The following FGF3 variants were observed in gnomAD, a reference collection of about 807,000 sequenced individuals.
The protein encoded by FGF3 is fibroblast growth factor 3, also known as FGF-3.
FGF3 carries 7 observed loss-of-function variants against 9.8 expected under a neutral mutation model. The ratio of observed to expected loss-of-function variants is 0.72; its 90% CI spans 0.41 to 1.35. FGF3 has a LOEUF of 1.35. Among genes scored for constraint, FGF3 ranks in the 40% most tolerant of loss-of-function variants. FGF3 has a pLI of 0.01. For synonymous variants in FGF3, 173 were observed against 157.2 expected (o/e 1.10, Z -0.75); for missense variants, 390 against 345.6 (o/e 1.13, Z -1.02).
At chr11:69,818,534 C>T (rs1275325908) in intron 1 of FGF3, among the ~76,000 whole-genome samples, 180 bp downstream of exon 1, 1 of 151,524 alleles carries the variant, frequency 6.6e-6, no homozygotes, top group African/African-American at 2.4e-5. Flanking sequence ...CTGGCATTCC[C>T]CTTCTGGCAG....
At chr11:69,815,530 C>A (rs1856116617) in intron 2 of FGF3, among the ~76,000 whole-genome samples, 1 of 152,170 alleles carries the variant, frequency 6.6e-6, no homozygotes, top group Admixed American at 6.5e-5. Context: ...CAGGACTGAG[C>A]AGAGAGCTCA....
In FGF3 at chr11:69,810,390, C is replaced by A. The variant is rs377265856; in HGVS notation, c.635G>T (p.Arg212Leu). 5.7e-5 allele frequency: 88 copies of A among 1,557,140 alleles called. No homozygotes were observed. The Middle Eastern group carries it at 2.5e-3, about 45-fold the overall frequency. ...CAGGTTATCCGGGCTCTGCTTCTGC[C>A]GCCGCCGTCGGGGCTGGACCCCCTT... Reference protein sequence around the residue: ...PGKGVQPRRRRQKQSPDNLEP... With the variant: ...PGKGVQPRRRLQKQSPDNLEP... The change falls in exon 3 of 3, where the codon CGG becomes CTG. Residue 212 changes from arginine (R) to leucine (L), a missense_variant. Transcript: ENST00000334134.
Position 69,816,366 on chromosome 11 carries a change from G to C in FGF3, c.278C>G (p.Ser93Cys). Residue 93 changes from serine (S) to cysteine (C), a missense_variant, in exon 2 of 3, where the codon TCC becomes TGC. Physicochemically the swap from Ser to Cys is moderately radical, Grantham distance 112. Transcript: ENST00000334134. Reference protein sequence around the residue: ...VGIVAIRGLFSGRYLAMNKRG... With the variant: ...VGIVAIRGLFCGRYLAMNKRG... Reference sequence around the variant, plus strand: ...CTTGTTCATGGCCAGGTACCGCCCGGAGAAGAGACCCCTGATGGCCACAAT... The same window carrying C: ...CTTGTTCATGGCCAGGTACCGCCCGCAGAAGAGACCCCTGATGGCCACAAT... 6.2e-7 allele frequency: 1 copy of C among 1,614,112 alleles called. No individual in the cohort carries two copies. The highest frequency in any genetic ancestry group is 8.5e-7 in the Non-Finnish European group (1 of 1,180,004).
At chr11:69,811,973 T>A (rs1856037991) in intron 2 of FGF3, among the ~76,000 whole-genome samples, 1 of 152,160 alleles carries the variant, frequency 6.6e-6, no homozygotes, top group Admixed American at 6.5e-5. Flanking sequence ...GTCTTCTTAG[T>A]CTGTGGCGTA....
rs1856194002 is a variant in FGF3, at chr11:69,818,998, C to A, written c.-65G>T. ...GCGAGCGCGGCGCCCATGGAAGGGG[C>A]GGCAGCCGGACAGCTGCGAGGTGCT... On this transcript the variant is annotated 5_prime_UTR_variant, in exon 1 of 3. Transcript: ENST00000334134. The A allele has an allele frequency of 1.3e-5, 15 of 1,130,678 alleles. No individual in the cohort carries two copies. In the East Asian group the frequency reaches 2.2e-4, roughly 17 times the overall value. 70.0% of individuals were successfully genotyped at this position (1,130,678 alleles called of 1,614,324 possible).
At position 69,818,929 on chromosome 11, in the gene FGF3, C is replaced by A. The variant is rs1554981459; in HGVS notation, c.5G>T (p.Gly2Val). 1 of 1,466,420 alleles carries A rather than the reference C, an allele frequency of 6.8e-7. No individual in the cohort carries two copies. Among genetic ancestry groups the A allele is most frequent in the Middle Eastern group, 2.4e-4 (1 of 4,154 alleles). 90.8% of individuals were successfully genotyped at this position (1,466,420 alleles called of 1,614,324 possible). The change falls in exon 1 of 3, where the codon GGC (glycine) becomes GTC (valine). Residue 2 changes from glycine to valine, a missense_variant. Transcript: ENST00000334134. M[G>V]LIWLLLLSLL... ...GCTGAGCAGTAGCAGCCAGATTAGG[C>A]CCATCGTGGCATCGCGCCCGCCCCG...
rs1856188192 is a variant in FGF3, at chr11:69,818,828, A to G, written c.106T>C (p.Tyr36His). 1.1e-5 allele frequency: 16 copies of G among 1,484,158 alleles called. No homozygotes were observed. The highest frequency in any genetic ancestry group is 1.4e-5 in the Non-Finnish European group (16 of 1,123,916). 91.9% of individuals were successfully genotyped at this position (1,484,158 alleles called of 1,614,324 possible). The change falls in exon 1 of 3, where the codon TAC becomes CAC. Residue 36 changes from tyrosine to histidine, a missense_variant. Transcript: ENST00000334134. ...CGGGGCGCCCCGCCAAGGTGCTCGT[A>G]GACGCCGCCACGGCCGCCCGCATCG... ...RRDAGGRGGV[Y>H]EHLGGAPRRR... is the part of the protein sequence containing the mutation.
At chr11:69,812,621 G>A (rs551110806) in intron 2 of FGF3, among the ~76,000 whole-genome samples, 2 of 152,260 alleles carry the variant, frequency 1.3e-5, no homozygotes, top group South Asian at 2.1e-4. Context: ...GGGGCTCAGC[G>A]ACTATCTGGG....
In FGF3 at chr11:69,819,111, A is replaced by C; in HGVS notation, c.-178T>G. ...GGGGGAAGGGTGGGCGAGAGAGAGA[A>C]AGAGAGGGAGAGTGGGAGAGGGAGA... On this transcript the variant is annotated 5_prime_UTR_variant, in exon 1 of 3. Transcript: ENST00000334134. 6 of 431,804 alleles carry C rather than the reference A, an allele frequency of 1.4e-5. No homozygotes were observed. Among genetic ancestry groups the C allele is most frequent in the East Asian group, 7.7e-5 (2 of 25,858 alleles). The allele number at this position is 431,804 out of a possible 1,614,324, so 26.7% of individuals were successfully genotyped here. A position where few individuals can be genotyped will look rare whatever the true frequency, so the allele number is the denominator to read the frequency against.
At chr11:69,814,210 G>A (rs1251096286) in intron 2 of FGF3, among the ~76,000 whole-genome samples, 1 of 152,096 alleles carries the variant, frequency 6.6e-6, no homozygotes, top group East Asian at 1.9e-4. Flanking sequence ...AGTGATCCAG[G>A]TGGGAAGTGA....
At chr11:69,816,891 A>G (rs200223023) in intron 1 of FGF3, among the ~76,000 whole-genome samples, 1 of 152,300 alleles carries the variant, frequency 6.6e-6, no homozygotes, top group East Asian at 1.9e-4. Flanking sequence ...CCAGCGGGAA[A>G]GCTGGGCCCT....
At chr11:69,814,792 G>A (rs1211561132) in intron 2 of FGF3, among the ~76,000 whole-genome samples, 1 of 152,202 alleles carries the variant, frequency 6.6e-6, no homozygotes, top group African/African-American at 2.4e-5. Context: ...GGTGGGGCTA[G>A]GAGCCTCTGT....
rs797024792 is a variant in FGF3, at chr11:69,813,614, G to T, written c.324+2706C>A. Among the ~76,000 whole-genome samples, 350 of 49,924 alleles carry T rather than the reference G, an allele frequency of 7.0e-3. 4 individuals are homozygous for T. Among genetic ancestry groups the T allele is most frequent in the East Asian group, 0.016 (22 of 1,356 alleles). The allele number at this position is 49,924 out of a possible 152,430, so 32.8% of individuals were successfully genotyped here. On this transcript the variant is annotated intron_variant, in intron 2 of 2. Coordinates refer to ENST00000334134, the MANE Select transcript of FGF3 (RefSeq NM_005247.4). ...TGGGTGGGTGGATGGATGGATGGATGGGTGGATGGATGGATGGATGGATGG... is the reference window on the plus strand; with the variant it reads ...TGGGTGGGTGGATGGATGGATGGATTGGTGGATGGATGGATGGATGGATGG...
At chr11:69,815,488 G>C (rs1207355485) in intron 2 of FGF3, among the ~76,000 whole-genome samples, 1 of 152,180 alleles carries the variant, frequency 6.6e-6, no homozygotes, top group Non-Finnish European at 1.5e-5. Context: ...CAGCTTCTGC[G>C]AGAGGGAGCT....
In FGF3 at chr11:69,810,113, C is replaced by T; in HGVS notation, c.*192G>A. ...ACAGACCCACAAATGCCCTGCATTG[C>T]AGGCAGCCCCCTCCGAGCTCCGACT... On this transcript the variant is annotated 3_prime_UTR_variant, in exon 3 of 3. Transcript: ENST00000334134. 1.7e-6 allele frequency: 1 copy of T among 573,590 alleles called. No individual in the cohort carries two copies. The highest frequency in any genetic ancestry group is 3.0e-6 in the Non-Finnish European group (1 of 334,468). 35.5% of individuals were successfully genotyped at this position (573,590 alleles called of 1,614,324 possible). A position where few individuals can be genotyped will look rare whatever the true frequency, so the allele number is the denominator to read the frequency against.
chr11:69,812,605 T>G (rs547257611), intron 2 of FGF3, among the ~76,000 whole-genome samples: 19 of 152,236 alleles, frequency 1.2e-4, no homozygotes, highest in Admixed American at 3.3e-4. Flanking sequence ...GACCCCCACA[T>G]AGCCTGGGGC....
chr11:69,816,960 C>G (rs781828834), intron 1 of FGF3, among the ~76,000 whole-genome samples: 3 of 152,218 alleles, frequency 2.0e-5, no homozygotes, highest in African/African-American at 4.8e-5. Context: ...TGCCTGCCAC[C>G]CAGATCATGC....
chr11:69,815,402 G>C (rs1554980986), intron 2 of FGF3, among the ~76,000 whole-genome samples: 2 of 152,168 alleles, frequency 1.3e-5, no homozygotes. Flanking sequence ...CTCTGGACCA[G>C]AGAAAATGAA....
Position 69,811,832 on chromosome 11 carries a change from G to A in FGF3, c.325-1132C>T, listed in dbSNP as rs1311581962. On this transcript the variant is annotated intron_variant, in intron 2 of 2. Transcript: ENST00000334134. The stretch of plus-strand genomic sequence containing the variant: ...ATTAATGGGACCCTTGTCAGGCCCA[G>A]GGTGCAGTGGGGGAAGGGCAGAAGG... 2.0e-5 allele frequency among the ~76,000 whole-genome samples: 3 copies of A among 152,202 alleles called. No individual in the cohort carries two copies. In the South Asian group the frequency reaches 6.2e-4, roughly 32 times the overall value.
Sources: gnomAD v4.1 joint callset for allele counts (sites outside exome capture counted in the v4.1 genomes callset) on GRCh38, gnomAD v4.1.1 for gene constraint, MANE v1.5 for transcripts, NCBI Gene and HGNC (gene_info 2026-07-23, HGNC 2026-07-21) for gene names.